ERG: variants seen among roughly 807,000 people sequenced by gnomAD.
ERG encodes the protein ETS transcription factor ERG, also known as transcriptional regulator ERG.
ERG carries 9 observed loss-of-function variants against 55.3 expected under a neutral mutation model. That is an observed-to-expected ratio of 0.16 (90% confidence interval 0.10 to 0.28). The LOEUF is 0.28. ERG is among the 10% of genes least tolerant of loss of function. ERG has a pLI of 1.00. For synonymous variants in ERG, 223 were observed against 237.3 expected, an observed-to-expected ratio of 0.94 and a Z score of 0.55; for missense variants, 434 against 631.6, an observed-to-expected ratio of 0.69 and a Z score of 3.35.
At chr21:38,411,165 A>C (rs1989029013) in intron 3 of ERG, among the ~76,000 whole-genome samples, 1 of 152,220 alleles carries the variant, frequency 6.6e-6, no homozygotes. Context: ...CACAAATGGA[A>C]ATTTGATCTC....
chr21:38,517,857 A>G (rs1292761454), intron 2 of ERG, among the ~76,000 whole-genome samples: 4 of 152,146 alleles, frequency 2.6e-5, no homozygotes, highest in African/African-American at 9.7e-5. Flanking sequence ...AGCCAAGCAC[A>G]AAGGACAAAT....
At chr21:38,621,312 C>T (rs182050340) in intron 1 of ERG, among the ~76,000 whole-genome samples, 1 of 152,302 alleles carries the variant, frequency 6.6e-6, no homozygotes, top group Non-Finnish European at 1.5e-5. Context: ...CAGTAGAGAG[C>T]GCACTTTCCT....
chr21:38,647,096 G>C (rs555414752), intron 1 of ERG, among the ~76,000 whole-genome samples: 1 of 152,290 alleles, frequency 6.6e-6, no homozygotes, highest in Non-Finnish European at 1.5e-5. Flanking sequence ...TGGAAAACAT[G>C]TGGTCAGCGA....
chr21:38,481,694 TATA>T (rs752065632), intron 1 of ERG, among the ~76,000 whole-genome samples: 47 of 152,344 alleles, frequency 3.1e-4, no homozygotes, highest in Admixed American at 2.0e-4. Flanking sequence ...ATGTTATTTA[TATA>T]ATAAGTACTG....
chr21:38,538,482 C>T lies in ERG; in HGVS notation c.-41+37180G>A, dbSNP rs376681364. On this transcript the variant is annotated intron_variant, in intron 2 of 8. Coordinates refer to the ERG transcript ENST00000398897. ...GTGTCCAAAGTGACCAAGTGACCTACGGAGTAATGGGCTTCCATCTAGCCA... is the reference window on the plus strand; with the variant it reads ...GTGTCCAAAGTGACCAAGTGACCTATGGAGTAATGGGCTTCCATCTAGCCA... 1.1e-4 allele frequency among the ~76,000 whole-genome samples: 16 copies of T among 152,072 alleles called. No individual in the cohort carries two copies. The East Asian group carries it at 3.1e-3, about 29-fold the overall frequency.
rs374411054 is a variant in ERG at position 38,382,318 on chromosome 21, C to T, written c.*1085G>A. 9.5e-7 allele frequency: 1 copy of T among 1,056,772 alleles called. No homozygotes were observed. 65.5% of individuals were successfully genotyped at this position (1,056,772 alleles called of 1,614,324 possible). The stretch of plus-strand genomic sequence containing the variant: ...AAAGGAAAACTGGAGGCCGCCTACC[C>T]AAAATGCCTGCGTGATTTCTGATTG... On this transcript the variant is annotated 3_prime_UTR_variant, in exon 10 of 10. Coordinates refer to ENST00000288319, the MANE Select transcript of ERG (RefSeq NM_182918.4).
chr21:38,633,322 C>G (rs1428339265), intron 1 of ERG, among the ~76,000 whole-genome samples: 3 of 152,094 alleles, frequency 2.0e-5, no homozygotes, highest in Non-Finnish European at 2.9e-5. Context: ...TGTGAAAATA[C>G]TTAACACTAC....
chr21:38,391,739 G>C (rs758161265), intron 7 of ERG, 24 bp from the exon 8 acceptor site: 3 of 1,605,700 alleles, frequency 1.9e-6, no homozygotes, highest in Non-Finnish European at 2.6e-6. Flanking sequence ...AATACAAAAG[G>C]CAATTAGCTA....
intron 1 of ERG, among the ~76,000 whole-genome samples, chr21:38,580,662 G>C (rs909718501): frequency 2.0e-5 from 3 of 151,598 alleles, no homozygotes; most frequent in Non-Finnish European, 2.9e-5. Context: ...AACAATAACA[G>C]AATTCTACTT....
At chr21:38,603,304 T>C (rs565279456) in intron 1 of ERG, among the ~76,000 whole-genome samples, 22 of 152,142 alleles carry the variant, frequency 1.4e-4, no homozygotes, top group Admixed American at 3.3e-4. Flanking sequence ...GTTTTAGGAC[T>C]TTCAGATAAA....
intron 3 of ERG, among the ~76,000 whole-genome samples, chr21:38,405,694 C>G (rs1840329322): frequency 6.6e-6 from 1 of 152,188 alleles, no homozygotes; most frequent in Non-Finnish European, 1.5e-5. Flanking sequence ...CCCACCCAGA[C>G]CTGCTGAACC....
chr21:38,556,657 G>T (rs920576778), intron 2 of ERG, among the ~76,000 whole-genome samples: 1 of 152,076 alleles, frequency 6.6e-6, no homozygotes, highest in African/African-American at 2.4e-5. Flanking sequence ...TAGGAAACAG[G>T]TCTACATGCA....
At chr21:38,482,176 G>A (rs532772849) in intron 1 of ERG, among the ~76,000 whole-genome samples, 80 of 152,262 alleles carry the variant, frequency 5.3e-4, no homozygotes, top group African/African-American at 1.8e-3. Context: ...GCAGCCCCCG[G>A]TCATCTGACC....
At chr21:38,377,361 C>T (rs963807214), downstream of ERG, among the ~76,000 whole-genome samples, 1 of 152,216 alleles carries the variant, frequency 6.6e-6, no homozygotes, top group South Asian at 2.1e-4. Context: ...CTCCTGCCAG[C>T]AGCCTGCTGC....
chr21:38,589,519 C>G (rs963418325), upstream of ERG, among the ~76,000 whole-genome samples: 1 of 152,226 alleles, frequency 6.6e-6, no homozygotes. Context: ...ACCATCTCTT[C>G]TCACCACGGA....
At chr21:38,533,551 C>G (rs2059687475) in intron 2 of ERG, among the ~76,000 whole-genome samples, 1 of 152,176 alleles carries the variant, frequency 6.6e-6, no homozygotes, top group Admixed American at 6.5e-5. Flanking sequence ...TTTGGCCAGA[C>G]AACTGTATTA....
rs113608867 is a variant in ERG at position 38,634,909 on chromosome 21, T to C, written c.-150+26749A>G. On this transcript the variant is annotated intron_variant, in intron 1 of 10. Transcript: ENST00000398910. ...AAACTTGGAAGCAACCAAGGTTCCT[T>C]ATATAGGTGAATGGATAAACAAAGT... Among the ~76,000 whole-genome samples the C allele has an allele frequency of 1.8e-3, 268 of 152,294 alleles. 1 individual carries two copies. The highest frequency in any genetic ancestry group is 5.9e-3 in the African/African-American group (247 of 41,552).
chr21:38,501,025 A>T (rs1256971390), upstream of ERG, among the ~76,000 whole-genome samples: 8 of 151,490 alleles, frequency 5.3e-5, no homozygotes, highest in South Asian at 2.1e-4. Flanking sequence ...AAAGTGTTTT[A>T]AAAAAATCTT....
At chr21:38,584,302 C>T (rs1004981453) in intron 1 of ERG, among the ~76,000 whole-genome samples, 2 of 152,154 alleles carry the variant, frequency 1.3e-5, no homozygotes, top group African/African-American at 2.4e-5. Context: ...GGGAGCTGAC[C>T]CTCTCCTTCT....
Sources: gnomAD v4.1 joint callset for allele counts (sites outside exome capture counted in the v4.1 genomes callset) on GRCh38, gnomAD v4.1.1 for gene constraint, MANE v1.5 for transcripts, NCBI Gene and HGNC (gene_info 2026-07-23, HGNC 2026-07-21) for gene names.